Variants in KIF20B observed in about 807,000 individuals in gnomAD.
The protein encoded by KIF20B is kinesin-like protein KIF20B.
In KIF20B, 188 loss-of-function variants were observed where a neutral mutation model predicts 232.5. The ratio of observed to expected loss-of-function variants is 0.81; its 90% CI spans 0.72 to 0.91. The LOEUF (loss-of-function observed/expected upper bound fraction) is 0.91. Among genes scored for constraint, KIF20B ranks in the 40% least tolerant of loss-of-function variants. The pLI is 0.00. For missense variants in KIF20B, 2,154 were observed against 2,055.9 expected, an observed-to-expected ratio of 1.05 and a Z score of -0.92; for synonymous variants, 712 against 683.0, an observed-to-expected ratio of 1.04 and a Z score of -0.66.
At chr10:89,762,563 TGA>T in intron 28 of KIF20B, 73 bp from the exon 29 acceptor site, 1 of 1,124,384 alleles carries the variant, frequency 8.9e-7, no homozygotes, top group Non-Finnish European at 1.3e-6. Context: ...GATAGGCATT[TGA>T]GAGAATTAAT....
At chr10:89,701,702 A>G (rs1043265607) in intron 1 of KIF20B, 22 bp downstream of exon 1, 1 of 152,266 alleles carries the variant, frequency 6.6e-6, no homozygotes, top group African/African-American at 2.4e-5. Context: ...ACCCGCGGGA[A>G]TGTGTGGGGA....
In KIF20B at chr10:89,754,426, GA is replaced by G. The variant is rs1416287779; in HGVS notation, c.4348-88del. 12 of 740,156 alleles carry G rather than the reference GA, an allele frequency of 1.6e-5. No homozygotes were observed. In the South Asian group the frequency reaches 6.5e-4, roughly 40 times the overall value. 45.8% of individuals were successfully genotyped at this position (740,156 alleles called of 1,614,324 possible). A position where few individuals can be genotyped will look rare whatever the true frequency, so the allele number is the denominator to read the frequency against. Reference sequence around the variant, plus strand: ...GAAACATTAAAGTTTTTATAGAGGTGAAAAGTAATGGATTGTATGAAAATGT... The same window carrying G: ...GAAACATTAAAGTTTTTATAGAGGTGAAAGTAATGGATTGTATGAAAATGT... On this transcript the variant is annotated intron_variant, in intron 25 of 32. Transcript: ENST00000371728.
intron 7 of KIF20B, 38 bp downstream of exon 7, chr10:89,714,121 T>C (rs753692120): frequency 1.8e-6 from 2 of 1,135,854 alleles, no homozygotes; most frequent in South Asian, 3.5e-5. Flanking sequence ...GATGTATCGA[T>C]TATATGAAGT....
chr10:89,747,574 A>C (rs1283186962), intron 23 of KIF20B, among the ~76,000 whole-genome samples: 2 of 151,612 alleles, frequency 1.3e-5, no homozygotes, highest in African/African-American at 4.9e-5. Flanking sequence ...TGATGAGTTC[A>C]TGTCCTTTGT....
chr10:89,774,072 T>C lies in KIF20B; in HGVS notation c.*24T>C. ...AAATCACTTATGGAAATGTTTAATA[T>C]AAATTTTATAGTCATAGTCATTGGA... On this transcript the variant is annotated 3_prime_UTR_variant, in exon 33 of 33. Coordinates refer to ENST00000371728, the MANE Select transcript of KIF20B (RefSeq NM_001284259.2). 4 of 1,456,744 alleles carry C rather than the reference T, an allele frequency of 2.7e-6. No homozygotes were observed. The highest frequency in any genetic ancestry group is 1.9e-6 in the Non-Finnish European group (2 of 1,058,484). The allele number at this position is 1,456,744 out of a possible 1,614,324, so 90.2% of individuals were successfully genotyped here.
At position 89,727,879 on chromosome 10, in the gene KIF20B, C is replaced by T. The variant is rs1299000723; in HGVS notation, c.2254C>T (p.Leu752Phe). 6.4e-7 allele frequency: 1 copy of T among 1,556,468 alleles called. No homozygotes were observed. The highest frequency in any genetic ancestry group is 8.8e-7 in the Non-Finnish European group (1 of 1,140,516). ...ENESDSLIQE[L>F]ETSNKKIITQ... ...AGAATCAGATTCATTGATTCAAGAGCTTGAGACATCTAATAAGGTAATGCT... is the reference window on the plus strand; with the variant it reads ...AGAATCAGATTCATTGATTCAAGAGTTTGAGACATCTAATAAGGTAATGCT... The change falls in exon 17 of 33, where the codon CTT (leucine) becomes TTT (phenylalanine). Residue 752 changes from leucine (L) to phenylalanine (F), a missense_variant. Transcript: ENST00000371728.
intron 13 of KIF20B, among the ~76,000 whole-genome samples, chr10:89,720,233 A>G (rs1296353660): frequency 2.6e-5 from 4 of 152,148 alleles, no homozygotes; most frequent in Non-Finnish European, 5.9e-5. Flanking sequence ...TAGCACTGAC[A>G]TTTTTGAAAA....
chr10:89,764,672 T>G (rs1393581859), intron 29 of KIF20B, among the ~76,000 whole-genome samples: 1 of 151,862 alleles, frequency 6.6e-6, no homozygotes, highest in Admixed American at 6.6e-5. Flanking sequence ...TTTCATGTGT[T>G]TTTTGGCTGC....
At position 89,737,398 on chromosome 10, in the gene KIF20B, G is replaced by A; in HGVS notation, c.2557G>A (p.Val853Ile). The change falls in exon 20 of 33, where the codon GTT (valine) becomes ATT (isoleucine). Residue 853 changes from valine (V) to isoleucine (I), a missense_variant. Coordinates refer to ENST00000371728, the MANE Select transcript of KIF20B (RefSeq NM_001284259.2). ...EPPAKKGSIHVSSAITEDQKK... is the reference protein window; with the variant it reads ...EPPAKKGSIHISSAITEDQKK... Reference sequence around the variant, plus strand: ...TCTTATTTTTAAAGGGTCTATCCATGTTAGTTCAGCTATCACTGAAGACCA... The same window carrying A: ...TCTTATTTTTAAAGGGTCTATCCATATTAGTTCAGCTATCACTGAAGACCA... 3.2e-6 allele frequency: 5 copies of A among 1,573,670 alleles called. No homozygotes were observed. The highest frequency in any genetic ancestry group is 4.3e-6 in the Non-Finnish European group (5 of 1,167,200).
chr10:89,752,376 G>T (rs754686644), intron 24 of KIF20B, among the ~76,000 whole-genome samples, 191 bp from the exon 25 acceptor site: 1 of 152,050 alleles, frequency 6.6e-6, no homozygotes, highest in Non-Finnish European at 1.5e-5. Context: ...AGAAGTCCCT[G>T]TAGTTCCTCT....
chr10:89,730,554 G>A (rs1337538420), intron 18 of KIF20B, among the ~76,000 whole-genome samples: 1 of 152,172 alleles, frequency 6.6e-6, no homozygotes, highest in Non-Finnish European at 1.5e-5. Context: ...TTAGCCTTTT[G>A]AAGGTAGAGG....
chr10:89,759,742 A>G (rs1016482985), intron 27 of KIF20B, among the ~76,000 whole-genome samples: 1 of 152,104 alleles, frequency 6.6e-6, no homozygotes, highest in Non-Finnish European at 1.5e-5. Flanking sequence ...AGATTGTAAA[A>G]CAAGTAGCAC....
intron 2 of KIF20B, among the ~76,000 whole-genome samples, chr10:89,708,096 T>C (rs897178486): frequency 6.6e-6 from 1 of 152,224 alleles, no homozygotes; most frequent in African/African-American, 2.4e-5. Context: ...TATTTTGTTT[T>C]CTAATTTTTT....
chr10:89,764,051 C>G (rs1236295030), intron 29 of KIF20B, among the ~76,000 whole-genome samples: 1 of 114,392 alleles, frequency 8.7e-6, no homozygotes, highest in Non-Finnish European at 1.7e-5. Flanking sequence ...CCCCCCTCCC[C>G]CCACCCCACA....
At chr10:89,772,610 CCATCTTTATTAAGGATTTCAAAT>C (rs1455039931) in intron 31 of KIF20B, 56 bp from the exon 32 acceptor site, 16 of 860,132 alleles carry the variant, frequency 1.9e-5, no homozygotes, top group Non-Finnish European at 2.6e-5. Flanking sequence ...GGATTTCAAA[CCATCTTTATTAAGGATTTCAAAT>C]CACCTTTGCA....
chr10:89,710,904 A>G, intron 5 of KIF20B, 57 bp from the exon 6 acceptor site: 1 of 1,417,650 alleles, frequency 7.1e-7, no homozygotes, highest in Non-Finnish European at 9.6e-7. Context: ...ATAAACAAGT[A>G]AAGTTTCCTC....
chr10:89,760,435 C>G, intron 27 of KIF20B, 91 bp from the exon 28 acceptor site: 1 of 781,380 alleles, frequency 1.3e-6, no homozygotes, highest in South Asian at 1.7e-5. Context: ...TAGTTTCATA[C>G]AAATCTTGAT....
At chr10:89,740,408 C>T (rs1841772358) in intron 21 of KIF20B, among the ~76,000 whole-genome samples, 1 of 152,002 alleles carries the variant, frequency 6.6e-6, no homozygotes, top group South Asian at 2.1e-4. Context: ...GGTGTACCAC[C>T]CTCCTAAGAC....
At chr10:89,741,708 G>A (rs1227266152) in intron 21 of KIF20B, among the ~76,000 whole-genome samples, 1 of 152,108 alleles carries the variant, frequency 6.6e-6, no homozygotes, top group Non-Finnish European at 1.5e-5. Context: ...GGCCAACCAT[G>A]AGCTGAAAAT....
Sources: gnomAD v4.1 joint callset for allele counts (sites outside exome capture counted in the v4.1 genomes callset) on GRCh38, gnomAD v4.1.1 for gene constraint, MANE v1.5 for transcripts, NCBI Gene and HGNC (gene_info 2026-07-23, HGNC 2026-07-21) for gene names.